WWTR1: variants seen among roughly 807,000 people sequenced by gnomAD.
The protein encoded by WWTR1 is WW domain-containing transcription regulator protein 1.
WWTR1 carries 13 observed loss-of-function variants against 40.1 expected under a neutral mutation model. That is an observed-to-expected ratio of 0.32 (90% CI 0.21 to 0.52). The LOEUF (loss-of-function observed/expected upper bound fraction) is 0.52. Among genes scored for constraint, WWTR1 ranks in the 20% least tolerant of loss-of-function variants. The probability of loss-of-function intolerance (pLI) is 0.97; values close to 1 mark genes in which losing one functional copy is unlikely to be tolerated. For missense variants in WWTR1, 436 were observed against 523.1 expected (o/e 0.83, Z 1.63); for synonymous variants, 230 against 210.1 (o/e 1.09, Z -0.82).
intron 2 of WWTR1, among the ~76,000 whole-genome samples, chr3:149,626,691 G>A (rs1740559531): frequency 6.6e-6 from 1 of 151,994 alleles, no homozygotes; most frequent in South Asian, 2.1e-4. Flanking sequence ...TTCCCACGAG[G>A]ACTACAAAAG....
chr3:149,571,225 T>C (rs1397996719), intron 3 of WWTR1, among the ~76,000 whole-genome samples: 1 of 118,538 alleles, frequency 8.4e-6, no homozygotes. Flanking sequence ...TTTTTTTTTT[T>C]TTTTTTTTTT....
At chr3:149,706,472 C>A (rs1384509060), upstream of WWTR1, among the ~76,000 whole-genome samples, 4 of 151,602 alleles carry the variant, frequency 2.6e-5, no homozygotes, top group African/African-American at 9.7e-5. Context: ...GCATGCACCA[C>A]CACGCCCGGC....
intron 2 of WWTR1, among the ~76,000 whole-genome samples, chr3:149,580,786 T>C (rs1738117139): frequency 6.6e-6 from 1 of 152,046 alleles, no homozygotes; most frequent in Non-Finnish European, 1.5e-5. Flanking sequence ...CTAACTTTTG[T>C]ATTTTTAGTA....
intron 2 of WWTR1, among the ~76,000 whole-genome samples, chr3:149,608,245 A>T (rs928671553): frequency 9.2e-5 from 14 of 152,166 alleles, no homozygotes; most frequent in Non-Finnish European, 1.8e-4. Flanking sequence ...TTTATTTAGA[A>T]TACTAATATG....
chr3:149,536,755 T>TA lies in WWTR1; in HGVS notation c.771+5579dup, dbSNP rs5853412. ...TTCTCCTGTCCCCCAACCCCCAAATTAAAAAAAAAAAAAAAAAGAAAGAAA... is the reference window on the plus strand; with the variant it reads ...TTCTCCTGTCCCCCAACCCCCAAATTAAAAAAAAAAAAAAAAAAGAAAGAAA... On this transcript the variant is annotated intron_variant, in intron 4 of 6. Transcript: ENST00000360632. Among the ~76,000 whole-genome samples the TA allele has an allele frequency of 2.8e-3, 393 of 142,392 alleles. 3 individuals are homozygous for TA. The highest frequency in any genetic ancestry group is 8.1e-3 in the African/African-American group (318 of 39,388). The allele number at this position is 142,392 out of a possible 152,430, so 93.4% of individuals were successfully genotyped here. A position where few individuals can be genotyped will look rare whatever the true frequency, so the allele number is the denominator to read the frequency against.
chr3:149,568,904 C>G (rs1033299620), intron 3 of WWTR1, among the ~76,000 whole-genome samples: 14 of 152,148 alleles, frequency 9.2e-5, no homozygotes, highest in Admixed American at 7.9e-4. Context: ...GCAGCTGGGA[C>G]TACAGGCGCC....
At chr3:149,602,080 T>C (rs1739271501) in intron 2 of WWTR1, among the ~76,000 whole-genome samples, 1 of 152,122 alleles carries the variant, frequency 6.6e-6, no homozygotes, top group Non-Finnish European at 1.5e-5. Context: ...ACAAACCAGG[T>C]CCTACTAGAA....
At chr3:149,723,749 C>T (rs995734481) in intron 4 of WWTR1, among the ~76,000 whole-genome samples, 4 of 152,180 alleles carry the variant, frequency 2.6e-5, no homozygotes, top group African/African-American at 7.2e-5. Context: ...AGAGTCATTT[C>T]ATCCAGAGAT....
chr3:149,540,163 C>G, intron 4 of WWTR1: 3 of 455,186 alleles, frequency 6.6e-6, no homozygotes, highest in South Asian at 4.7e-5. Context: ...GTGAGCAAAT[C>G]TGGACAATCT....
chr3:149,654,127 T>TC (rs1311424177), intron 2 of WWTR1, among the ~76,000 whole-genome samples: 1 of 125,610 alleles, frequency 8.0e-6, no homozygotes, highest in Non-Finnish European at 1.8e-5. Context: ...AATAAAAAAA[T>TC]TAAAAAAAAA....
intron 2 of WWTR1, among the ~76,000 whole-genome samples, chr3:149,637,289 G>A (rs1711880751): frequency 6.6e-6 from 1 of 151,138 alleles, no homozygotes; most frequent in Non-Finnish European, 1.5e-5. Context: ...GCAGTGGCAT[G>A]ATCTCGACTC....
chr3:149,601,151 A>G (rs1739224333), intron 2 of WWTR1, among the ~76,000 whole-genome samples: 1 of 152,208 alleles, frequency 6.6e-6, no homozygotes, highest in East Asian at 1.9e-4. Flanking sequence ...TCAAAAATGT[A>G]TCAATTTCAA....
intron 2 of WWTR1, among the ~76,000 whole-genome samples, chr3:149,631,376 T>G (rs1711543739): frequency 6.6e-6 from 1 of 152,218 alleles, no homozygotes; most frequent in Non-Finnish European, 1.5e-5. Context: ...GTTCCTTGAT[T>G]CTTAATGACA....
intron 3 of WWTR1, among the ~76,000 whole-genome samples, chr3:149,550,822 A>C (rs1463963993): frequency 2.1e-5 from 3 of 146,168 alleles, no homozygotes; most frequent in Non-Finnish European, 4.5e-5. Context: ...AGAAAATTTC[A>C]AAGATGGCTT....
At chr3:149,588,746 C>T (rs1035035665) in intron 2 of WWTR1, among the ~76,000 whole-genome samples, 6 of 152,190 alleles carry the variant, frequency 3.9e-5, no homozygotes, top group Non-Finnish European at 2.9e-5. Flanking sequence ...CCAAAATGAA[C>T]CCATTTCCTG....
At chr3:149,549,649 G>A (rs555656145) in intron 3 of WWTR1, among the ~76,000 whole-genome samples, 3 of 152,038 alleles carry the variant, frequency 2.0e-5, no homozygotes, top group Non-Finnish European at 2.9e-5. Context: ...ACCAACCTAG[G>A]CAACATAGTG....
At chr3:149,556,735 A>G (rs1485278775) in intron 3 of WWTR1, among the ~76,000 whole-genome samples, 1 of 152,192 alleles carries the variant, frequency 6.6e-6, no homozygotes, top group East Asian at 1.9e-4. Context: ...GACAGAAACC[A>G]AAGCAGCTCT....
intron 2 of WWTR1, among the ~76,000 whole-genome samples, chr3:149,589,049 G>A (rs575194330): frequency 6.6e-6 from 1 of 152,228 alleles, no homozygotes; most frequent in Non-Finnish European, 1.5e-5. Flanking sequence ...TTGAGTGAGC[G>A]GGAGAATCTA....
At chr3:149,536,570 C>T (rs1022136202) in intron 4 of WWTR1, among the ~76,000 whole-genome samples, 24 of 151,912 alleles carry the variant, frequency 1.6e-4, no homozygotes, top group African/African-American at 4.8e-4. Context: ...GATGGCTGTG[C>T]GAGGTCAGCC....
Sources: gnomAD v4.1 joint callset for allele counts (sites outside exome capture counted in the v4.1 genomes callset) on GRCh38, gnomAD v4.1.1 for gene constraint, MANE v1.5 for transcripts, NCBI Gene and HGNC (gene_info 2026-07-23, HGNC 2026-07-21) for gene names.